BEAN1: variants seen among roughly 807,000 people sequenced by gnomAD.
The protein encoded by BEAN1 is brain expressed associated with NEDD4 1.
BEAN1 carries 17 observed loss-of-function variants against 17.7 expected under a neutral mutation model. The ratio of observed to expected loss-of-function variants is 0.96; its 90% CI spans 0.66 to 1.44. The LOEUF is 1.44. Ranked by LOEUF, BEAN1 falls within the 40% of genes most tolerant of loss-of-function variation. BEAN1 has a pLI of 0.00. For synonymous variants in BEAN1, 142 were observed against 151.8 expected, an observed-to-expected ratio of 0.94 and a Z score of 0.47; for missense variants, 359 against 374.1, an observed-to-expected ratio of 0.96 and a Z score of 0.33.
chr16:66,459,666 G>A (rs72788584), intron 2 of BEAN1, among the ~76,000 whole-genome samples: 4,020 of 152,138 alleles, frequency 0.026, 88 homozygotes, highest in South Asian at 0.067. Context: ...CTCACGGTAT[G>A]GTCCCTGCAA....
intron 4 of BEAN1, among the ~76,000 whole-genome samples, chr16:66,479,992 G>A (rs1963923189): frequency 6.6e-6 from 1 of 152,108 alleles, no homozygotes. Context: ...AGGGGTCAGG[G>A]CCTCCACCAT....
chr16:66,479,448 C>G (rs916889244), intron 4 of BEAN1, among the ~76,000 whole-genome samples: 2 of 151,924 alleles, frequency 1.3e-5, no homozygotes, highest in African/African-American at 4.8e-5. Flanking sequence ...TGGTTGGGTC[C>G]AGTGCCTGGA....
chr16:66,469,752 T>A lies in BEAN1; in HGVS notation c.176T>A (p.Ile59Asn), dbSNP rs1160804907. ...LSCITIIVGS[I>N]RRDRQARLQR... is the part of the protein sequence containing the mutation. ...TGCATCACCATCATTGTGGGCAGCATCCGCAGGGACAGGCAGGCCCGGCTT... is the reference window on the plus strand; with the variant it reads ...TGCATCACCATCATTGTGGGCAGCAACCGCAGGGACAGGCAGGCCCGGCTT... Residue 59 changes from isoleucine to asparagine, a missense_variant, in exon 3 of 5, where the codon ATC becomes AAC. Transcript: ENST00000536005. 2 of 1,536,018 alleles carry A rather than the reference T, an allele frequency of 1.3e-6. No individual in the cohort carries two copies. Among genetic ancestry groups the A allele is most frequent in the Admixed American group, 2.0e-5 (1 of 50,988 alleles).
intron 2 of BEAN1, among the ~76,000 whole-genome samples, chr16:66,466,156 G>C (rs781596456): frequency 6.6e-6 from 1 of 152,168 alleles, no homozygotes; most frequent in Non-Finnish European, 1.5e-5. Context: ...TGGGCCGGGC[G>C]TGGTGGCTCA....
Position 66,477,695 on chromosome 16 carries a change from C to A in BEAN1, c.425C>A (p.Pro142Gln). ...GCCACGGTGCTCAGGGAGCTGTACC[C>A]AGATTCTCCACCAGGGTAAGGAGGC... Reference protein sequence around the residue: ...VDATVLRELYPDSPPGYEECV... With the variant: ...VDATVLRELYQDSPPGYEECV... The change falls in exon 4 of 5, where the codon CCA becomes CAA. Residue 142 changes from proline (P) to glutamine (Q), a missense_variant. By Grantham distance (76) the Pro-to-Gln change is moderately conservative. Transcript: ENST00000536005. 1 of 1,548,186 alleles carries A rather than the reference C, an allele frequency of 6.5e-7. No homozygotes were observed. Among genetic ancestry groups the A allele is most frequent in the South Asian group, 1.2e-5 (1 of 83,522 alleles).
In BEAN1 at chr16:66,470,047, G is replaced by A; in HGVS notation, c.289+182G>A. On this transcript the variant is annotated intron_variant, in intron 3 of 4. Transcript: ENST00000536005. ...CACCATAATGTTCTCGGTGACATGA[G>A]AGGCCCGGATGACTGCTAAGAGAGA... The A allele has an allele frequency of 3.6e-6, 3 of 829,772 alleles. No homozygotes were observed. In the South Asian group the frequency reaches 5.4e-5, roughly 15 times the overall value. The allele number at this position is 829,772 out of a possible 1,614,324, so 51.4% of individuals were successfully genotyped here. A position where few individuals can be genotyped will look rare whatever the true frequency, so the allele number is the denominator to read the frequency against.
chr16:66,492,596 T>C (rs1964190262), intron 4 of BEAN1, among the ~76,000 whole-genome samples: 1 of 151,188 alleles, frequency 6.6e-6, no homozygotes, highest in Non-Finnish European at 1.5e-5. Flanking sequence ...CCTGCCACCA[T>C]GCCCGGCTAA....
intron 2 of BEAN1, among the ~76,000 whole-genome samples, chr16:66,441,975 T>C (rs1443173524): frequency 2.0e-5 from 3 of 152,060 alleles, no homozygotes; most frequent in African/African-American, 7.2e-5. Flanking sequence ...ATTAACTCCC[T>C]CCTTTCAATT....
chr16:66,476,142 G>A (rs1223200229), intron 3 of BEAN1: 1 of 151,402 alleles, frequency 6.6e-6, no homozygotes, highest in Non-Finnish European at 1.5e-5. Context: ...AAGAAAAAAA[G>A]AAAAAGAAAT....
intron 2 of BEAN1, among the ~76,000 whole-genome samples, chr16:66,439,232 C>T (rs1962152748): frequency 6.6e-6 from 1 of 151,974 alleles, no homozygotes; most frequent in African/African-American, 2.4e-5. Flanking sequence ...CTCTGGGTAC[C>T]CGAGGAGGGG....
intron 1 of BEAN1, among the ~76,000 whole-genome samples, chr16:66,431,160 GC>G (rs1189064010): frequency 6.6e-6 from 1 of 152,096 alleles, no homozygotes. Context: ...AATTAGATTA[GC>G]CTTAAAATTT....
intron 2 of BEAN1, among the ~76,000 whole-genome samples, chr16:66,449,329 C>T (rs1453639882): frequency 3.3e-5 from 5 of 151,790 alleles, no homozygotes; most frequent in Non-Finnish European, 5.9e-5. Flanking sequence ...ATTCATGGGC[C>T]GGGTGCAGTG....
intron 2 of BEAN1, among the ~76,000 whole-genome samples, chr16:66,463,016 C>G (rs910004860): frequency 1.3e-5 from 2 of 152,146 alleles, no homozygotes; most frequent in Non-Finnish European, 2.9e-5. Flanking sequence ...GTCTGAGGAG[C>G]TGACTTTTAA....
At position 66,482,696 on chromosome 16, in the gene BEAN1, C is replaced by T; in HGVS notation, c.*1771C>T. ...AAAAAGGGATAAAAATTCCTACCTA[C>T]TCATCAGTGTTTGAAAGATGGAGCT... On this transcript the variant is annotated 3_prime_UTR_variant, in exon 5 of 5. Coordinates refer to ENST00000536005, the MANE Select transcript of BEAN1 (RefSeq NM_001178020.3). The T allele has an allele frequency of 2.7e-6, 1 of 364,626 alleles. No homozygotes were observed. Among genetic ancestry groups the T allele is most frequent in the Non-Finnish European group, 5.3e-6 (1 of 187,144 alleles). 22.6% of individuals were successfully genotyped at this position (364,626 alleles called of 1,614,324 possible). A position where few individuals can be genotyped will look rare whatever the true frequency, so the allele number is the denominator to read the frequency against.
chr16:66,469,843 C>A lies in BEAN1; in HGVS notation c.267C>A (p.His89Gln), dbSNP rs1458720186. 9 of 1,535,074 alleles carry A rather than the reference C, an allele frequency of 5.9e-6. No individual in the cohort carries two copies. Among genetic ancestry groups the A allele is most frequent in the Non-Finnish European group, 7.8e-6 (9 of 1,146,724 alleles). The change falls in exon 3 of 5, where the codon CAC (histidine) becomes CAA (glutamine). Residue 89 changes from histidine (H) to glutamine (Q), a missense_variant. Transcript: ENST00000536005. The stretch of plus-strand genomic sequence containing the variant: ...ATCATCACCACCGCCGGCGTCGACA[C>A]CGAGAGTACGAGCACGGCTACGGTG... ...HHHHHHRRRR[H>Q]REYEHGYVSD...
At chr16:66,431,151 A>G (rs1961782328) in intron 1 of BEAN1, among the ~76,000 whole-genome samples, 1 of 152,224 alleles carries the variant, frequency 6.6e-6, no homozygotes, top group African/African-American at 2.4e-5. Context: ...TTCAAAGGCA[A>G]TTAGATTAGC....
At chr16:66,454,739 T>C (rs1962802647) in intron 2 of BEAN1, among the ~76,000 whole-genome samples, 1 of 150,520 alleles carries the variant, frequency 6.6e-6, no homozygotes, top group Admixed American at 6.6e-5. Flanking sequence ...CTTTTTTTTT[T>C]TTTTTTTTTT....
At chr16:66,487,828 C>CA (rs1427561923), downstream of BEAN1, among the ~76,000 whole-genome samples, 1 of 152,212 alleles carries the variant, frequency 6.6e-6, no homozygotes, top group Admixed American at 6.5e-5. Context: ...GCAGATCTCC[C>CA]ATGCCTCCAC....
intron 1 of BEAN1, among the ~76,000 whole-genome samples, chr16:66,431,798 T>C (rs1169260699): frequency 6.6e-6 from 1 of 152,034 alleles, no homozygotes; most frequent in Non-Finnish European, 1.5e-5. Flanking sequence ...GTCTTTATGT[T>C]ATTAATTTTT....
Sources: allele counts gnomAD v4.1 joint callset (sites outside exome capture counted in the v4.1 genomes callset), GRCh38; gene constraint gnomAD v4.1.1; transcripts MANE v1.5; gene names NCBI Gene and HGNC (gene_info 2026-07-23, HGNC 2026-07-21).